The following LIMS1 variants were observed in gnomAD, a reference collection of about 807,000 sequenced individuals.
LIMS1 encodes LIM zinc finger domain containing 1.
A neutral mutation model predicts 44.1 loss-of-function variants in LIMS1; 18 were observed. That is an observed-to-expected ratio of 0.41 (90% confidence interval 0.28 to 0.61). The LOEUF (loss-of-function observed/expected upper bound fraction) is 0.61. Ranked by LOEUF, LIMS1 falls within the 20% of genes least tolerant of loss-of-function variation. The pLI, the probability that LIMS1 is intolerant of heterozygous loss-of-function variation, is 0.32. For missense variants in LIMS1, 201 were observed against 422.0 expected (o/e 0.48, Z 4.59); for synonymous variants, 93 against 149.1 (o/e 0.62, Z 2.74).
chr2:108,553,518 A>C (rs1684828027), intron 1 of LIMS1, among the ~76,000 whole-genome samples: 1 of 152,184 alleles, frequency 6.6e-6, no homozygotes, highest in Non-Finnish European at 1.5e-5. Context: ...GTTAGAAGAG[A>C]CTTTAGAGAA....
intron 1 of LIMS1, among the ~76,000 whole-genome samples, chr2:108,569,764 C>CCTTTT (rs753691810): frequency 1.7e-4 from 19 of 113,118 alleles, no homozygotes; most frequent in South Asian, 6.5e-4. Context: ...CCATATCTGG[C>CCTTTT]TTTTTTTTTT....
At chr2:108,630,968 G>A (rs1320563981) in intron 1 of LIMS1, among the ~76,000 whole-genome samples, 3 of 152,216 alleles carry the variant, frequency 2.0e-5, no homozygotes, top group Non-Finnish European at 4.4e-5. Context: ...TCAGAAAAAT[G>A]AACATCTCAA....
intron 1 of LIMS1, among the ~76,000 whole-genome samples, chr2:108,557,183 T>G (rs1456754413): frequency 6.6e-6 from 1 of 152,010 alleles, no homozygotes; most frequent in African/African-American, 2.4e-5. Flanking sequence ...GCTTAAGCGA[T>G]CCTCCCACCT....
intron 1 of LIMS1, among the ~76,000 whole-genome samples, chr2:108,562,993 C>T (rs1005120815): frequency 1.3e-5 from 2 of 152,192 alleles, no homozygotes; most frequent in African/African-American, 4.8e-5. Flanking sequence ...AAGAATTATG[C>T]TAAATCTACT....
intron 1 of LIMS1, among the ~76,000 whole-genome samples, chr2:108,591,840 GC>G (rs1294877459): frequency 8.5e-4 from 127 of 149,666 alleles, no homozygotes; most frequent in Non-Finnish European, 1.4e-3. Flanking sequence ...TGTCATCCAG[GC>G]TGGAGTGCAG....
chr2:108,535,519 G>A (rs553633630), intron 1 of LIMS1, among the ~76,000 whole-genome samples: 2 of 152,300 alleles, frequency 1.3e-5, no homozygotes, highest in East Asian at 1.9e-4. Context: ...GAATGCAGCT[G>A]TTACCCATTG....
intron 1 of LIMS1, among the ~76,000 whole-genome samples, chr2:108,635,784 C>T (rs931715813): frequency 1.7e-5 from 2 of 118,600 alleles, no homozygotes; most frequent in Non-Finnish European, 3.7e-5. Flanking sequence ...TAACACACTC[C>T]TCCCCCCCGT....
At chr2:108,581,798 G>A (rs1167566760) in intron 1 of LIMS1, among the ~76,000 whole-genome samples, 2 of 152,228 alleles carry the variant, frequency 1.3e-5, no homozygotes, top group Non-Finnish European at 2.9e-5. Context: ...TTACTCGGGA[G>A]TGGTGGCGCA....
chr2:108,541,258 G>T (rs548149841), intron 1 of LIMS1, among the ~76,000 whole-genome samples: 2 of 152,342 alleles, frequency 1.3e-5, no homozygotes, highest in South Asian at 2.1e-4. Flanking sequence ...TTTCTCATTG[G>T]TAAATGTAGC....
chr2:108,659,715 T>C, exon 2 of LIMS1: 2 of 1,612,482 alleles, frequency 1.2e-6, no homozygotes, highest in Non-Finnish European at 8.5e-7. Context: ...GAGCAGTGTT[T>C]CGTGTGCGCT....
At chr2:108,534,027 A>T (rs1558776024), upstream of LIMS1, 1 of 153,360 alleles carries the variant, frequency 6.5e-6, no homozygotes, top group Non-Finnish European at 1.5e-5. Context: ...CCGCGCAGCC[A>T]CGCGAGTGGA....
chr2:108,607,891 T>G (rs140675451), intron 1 of LIMS1, among the ~76,000 whole-genome samples: 1 of 152,222 alleles, frequency 6.6e-6, no homozygotes, highest in Non-Finnish European at 1.5e-5. Flanking sequence ...CTGAAAATTG[T>G]GTGCCTGTAA....
intron 1 of LIMS1, among the ~76,000 whole-genome samples, chr2:108,637,029 T>A (rs1689304856): frequency 6.6e-6 from 1 of 152,168 alleles, no homozygotes; most frequent in Non-Finnish European, 1.5e-5. Flanking sequence ...TGCCTTTCTG[T>A]GTACATTTCA....
chr2:108,595,777 G>A (rs1462946153), intron 1 of LIMS1, among the ~76,000 whole-genome samples: 1 of 152,024 alleles, frequency 6.6e-6, no homozygotes, highest in Non-Finnish European at 1.5e-5. Flanking sequence ...AATCTTTTAG[G>A]GCCCTCATTT....
rs368663410 is a variant in LIMS1, at chr2:108,576,585, GA to G, written c.32+41992del. Among the ~76,000 whole-genome samples the G allele has an allele frequency of 2.1e-3, 318 of 152,062 alleles. 3 individuals carry two copies. The highest frequency in any genetic ancestry group is 7.3e-3 in the African/African-American group (304 of 41,502). On this transcript the variant is annotated intron_variant, in intron 1 of 9. Coordinates refer to ENST00000544547, the Ensembl canonical transcript of LIMS1. ...CTGGCTAATTTTTGTATTTTTAGTA[GA>G]GACAGAGTTTCACCATATTGGCCAG...
chr2:108,642,148 T>G (rs1428828402), intron 1 of LIMS1, among the ~76,000 whole-genome samples: 1 of 152,202 alleles, frequency 6.6e-6, no homozygotes, highest in Non-Finnish European at 1.5e-5. Flanking sequence ...CCATCAGTTA[T>G]GCAAATCTAT....
chr2:108,639,475 C>T (rs1467069489), intron 1 of LIMS1, among the ~76,000 whole-genome samples: 1 of 152,208 alleles, frequency 6.6e-6, no homozygotes, highest in East Asian at 1.9e-4. Flanking sequence ...TTTTTTGAGA[C>T]TAAGTCTCGC....
intron 1 of LIMS1, among the ~76,000 whole-genome samples, chr2:108,535,438 T>C (rs1182060609): frequency 6.6e-6 from 1 of 152,230 alleles, no homozygotes; most frequent in Non-Finnish European, 1.5e-5. Flanking sequence ...GCAGTTTGAA[T>C]GCAGCTAAAG....
intron 1 of LIMS1, among the ~76,000 whole-genome samples, chr2:108,648,224 AAG>A (rs1327768920): frequency 2.0e-5 from 3 of 152,324 alleles, no homozygotes; most frequent in African/African-American, 4.8e-5. Context: ...AGTTGTTACT[AAG>A]AGAATAAAAT....
Sources: gnomAD v4.1 joint callset for allele counts (sites outside exome capture counted in the v4.1 genomes callset) on GRCh38, gnomAD v4.1.1 for gene constraint, MANE v1.5 for transcripts, NCBI Gene and HGNC (gene_info 2026-07-23, HGNC 2026-07-21) for gene names.